PADI1: variants seen among roughly 807,000 people sequenced by gnomAD.
PADI1 encodes the protein protein-arginine deiminase type-1.
In PADI1, 65 loss-of-function variants were observed where a neutral mutation model predicts 74.8. The ratio of observed to expected loss-of-function variants is 0.87; its 90% CI spans 0.71 to 1.07. The LOEUF is 1.07. Among genes scored for constraint, PADI1 ranks in the 50% least tolerant of loss-of-function variants. The pLI, the probability that PADI1 is intolerant of heterozygous loss-of-function variation, is 0.00. For missense variants in PADI1, 943 were observed against 854.0 expected (o/e 1.10, Z -1.30); for synonymous variants, 371 against 336.2 (o/e 1.10, Z -1.13).
chr1:17,239,495 C>G (rs932081492), intron 13 of PADI1: 7 of 535,366 alleles, frequency 1.3e-5, no homozygotes, highest in Non-Finnish European at 2.4e-5. Context: ...GAGTCACTTC[C>G]TGAGGGGTTC....
chr1:17,206,454 C>T (rs528596988), intron 1 of PADI1, among the ~76,000 whole-genome samples: 1 of 152,228 alleles, frequency 6.6e-6, no homozygotes, highest in African/African-American at 2.4e-5. Flanking sequence ...CTGCTGGGAG[C>T]CCCGCTGTGG....
Position 17,237,463 on chromosome 1 carries a change from G to A in PADI1, c.1458+5G>A, listed in dbSNP as rs200384216. The A allele has an allele frequency of 1.4e-4, 230 of 1,604,556 alleles. No homozygotes were observed. In the Admixed American group the frequency reaches 3.2e-3, roughly 22 times the overall value. On this transcript the variant is annotated splice_donor_5th_base_variant and intron_variant, in intron 12 of 15. Coordinates refer to ENST00000375471, the MANE Select transcript of PADI1 (RefSeq NM_013358.3). ...GTGCCTACCTCTGACCAAAAGGTGC[G>A]TCCCCTCCTTCCCTGCCTGAGCCAC... is the stretch of plus-strand genomic sequence containing the variant.
Position 17,230,678 on chromosome 1 carries a change from T to C in PADI1, c.1160T>C (p.Leu387Pro). ...GLKDFPYKRILGPDFGYVTRE... is the reference protein window; with the variant it reads ...GLKDFPYKRIPGPDFGYVTRE... ...AAAGATTTCCCCTATAAGAGGATCC[T>C]GGTACGTAGCGACAGGTAGAGTGCA... Residue 387 changes from leucine to proline, a missense_variant and splice_region_variant, in exon 10 of 16, where the codon CTG (leucine) becomes CCG (proline). Transcript: ENST00000375471. 1 of 1,579,542 alleles carries C rather than the reference T, an allele frequency of 6.3e-7. No individual in the cohort carries two copies. Among genetic ancestry groups the C allele is most frequent in the Non-Finnish European group, 8.7e-7 (1 of 1,150,364 alleles).
chr1:17,241,066 C>T (rs1305484601), intron 15 of PADI1, among the ~76,000 whole-genome samples: 1 of 151,954 alleles, frequency 6.6e-6, no homozygotes, highest in Admixed American at 6.5e-5. Flanking sequence ...TTTTTCTCAC[C>T]CAGATGGAAA....
Position 17,228,925 on chromosome 1 carries a change from C to T in PADI1, c.826-23C>T, listed in dbSNP as rs370706887. ...AGGCTAGGGGTCCCTGCAGGGCCCA[C>T]CAAGTCCTCATTTTCCCCTCAGACC... On this transcript the variant is annotated intron_variant, in intron 7 of 15. Coordinates refer to ENST00000375471, the MANE Select transcript of PADI1 (RefSeq NM_013358.3). 6 of 1,582,176 alleles carry T rather than the reference C, an allele frequency of 3.8e-6. No individual in the cohort carries two copies. The African/African-American group carries it at 6.7e-5, about 18-fold the overall frequency.
intron 10 of PADI1, among the ~76,000 whole-genome samples, 153 bp downstream of exon 10, chr1:17,230,832 C>A (rs968038279): frequency 6.6e-6 from 1 of 152,162 alleles, no homozygotes; most frequent in Non-Finnish European, 1.5e-5. Flanking sequence ...AACTGGGGAG[C>A]CAGTGCGGAG....
chr1:17,230,952 G>A (rs1250843578), intron 10 of PADI1, among the ~76,000 whole-genome samples: 19 of 152,202 alleles, frequency 1.2e-4, no homozygotes, highest in Admixed American at 1.2e-3. Flanking sequence ...TAAGGCGGCT[G>A]GTCACCAAGG....
At chr1:17,224,882 C>T (rs1251286907) in intron 4 of PADI1, among the ~76,000 whole-genome samples, 1 of 151,498 alleles carries the variant, frequency 6.6e-6, no homozygotes, top group Non-Finnish European at 1.5e-5. Context: ...CAAGGCGTCA[C>T]CCCACAGGAA....
In PADI1 at chr1:17,228,955, C is replaced by T; in HGVS notation, c.833C>T (p.Pro278Leu). 8 of 1,598,226 alleles carry T rather than the reference C, an allele frequency of 5.0e-6. No homozygotes were observed. The highest frequency in any genetic ancestry group is 6.8e-6 in the Non-Finnish European group (8 of 1,171,312). ...SVSLVDPGTL[P>L]EVTLFTDTVG... ...TCCTCATTTTCCCCTCAGACCCTGC[C>T]CGAGGTGACCCTCTTCACAGACACT... The change falls in exon 8 of 16, where the codon CCC becomes CTC. Residue 278 changes from proline (P) to leucine (L), a missense_variant. Pro to Leu is a moderately conservative substitution (Grantham distance 98, BLOSUM62 -3). Transcript: ENST00000375471.
intron 1 of PADI1, among the ~76,000 whole-genome samples, chr1:17,216,297 A>G (rs1333706458): frequency 1.3e-5 from 2 of 152,178 alleles, no homozygotes; most frequent in Non-Finnish European, 2.9e-5. Context: ...CTGGCCTATG[A>G]TAAAAATCCA....
At position 17,228,504 on chromosome 1, in the gene PADI1, T is replaced by A; in HGVS notation, c.653-121T>A. ...GAGCTAAGGCCATGCAGCTTGCACG[T>A]GGCAGAGCCAGAGAGGAACCCAAGC... On this transcript the variant is annotated intron_variant, in intron 6 of 15. Coordinates refer to ENST00000375471, the MANE Select transcript of PADI1 (RefSeq NM_013358.3). The A allele has an allele frequency of 4.3e-6, 4 of 937,632 alleles. 1 individual carries two copies. The highest frequency in any genetic ancestry group is 1.6e-5 in the African/African-American group (1 of 61,776). The allele number at this position is 937,632 out of a possible 1,614,324, so 58.1% of individuals were successfully genotyped here. A position where few individuals can be genotyped will look rare whatever the true frequency, so the allele number is the denominator to read the frequency against.
chr1:17,239,599 C>G, intron 13 of PADI1, 105 bp from the exon 14 acceptor site: 2 of 821,124 alleles, frequency 2.4e-6, no homozygotes, highest in Non-Finnish European at 4.1e-6. Context: ...CTGACCCTGG[C>G]ACTGAGGTAG....
chr1:17,216,240 G>A (rs986629035), intron 1 of PADI1, among the ~76,000 whole-genome samples: 3 of 152,206 alleles, frequency 2.0e-5, no homozygotes, highest in African/African-American at 4.8e-5. Context: ...GGTCCCTCTG[G>A]CTGCTATGTT....
intron 6 of PADI1, among the ~76,000 whole-genome samples, chr1:17,228,017 G>T (rs565187659): frequency 2.0e-5 from 3 of 152,292 alleles, no homozygotes; most frequent in East Asian, 1.9e-4. Context: ...TAGAGACAGG[G>T]TCTCACTCTG....
chr1:17,225,324 C>A (rs1049814807), intron 4 of PADI1, among the ~76,000 whole-genome samples: 1 of 152,154 alleles, frequency 6.6e-6, no homozygotes, highest in Non-Finnish European at 1.5e-5. Flanking sequence ...CCATGTTTCC[C>A]GACTTGGCTC....
chr1:17,226,586 G>C (rs1557467166), intron 6 of PADI1, among the ~76,000 whole-genome samples: 1 of 152,170 alleles, frequency 6.6e-6, no homozygotes, highest in Non-Finnish European at 1.5e-5. Context: ...CCCAGAACCT[G>C]TCTTTCTCAT....
At chr1:17,217,018 G>C (rs1285506470) in intron 1 of PADI1, among the ~76,000 whole-genome samples, 1 of 141,352 alleles carries the variant, frequency 7.1e-6, no homozygotes, top group African/African-American at 2.5e-5. Context: ...GAGGAGAGGA[G>C]AGGGGAGGGA....
chr1:17,208,643 A>G (rs970916545), intron 1 of PADI1, among the ~76,000 whole-genome samples: 2 of 128,864 alleles, frequency 1.6e-5, no homozygotes, highest in Non-Finnish European at 3.2e-5. Flanking sequence ...CCCACACTCC[A>G]GTGGGCTAGC....
At chr1:17,228,920 G>A in intron 7 of PADI1, 28 bp from the exon 8 acceptor site, 2 of 1,577,068 alleles carry the variant, frequency 1.3e-6, no homozygotes, top group East Asian at 4.5e-5. Flanking sequence ...TCCCTGCAGG[G>A]CCCACCAAGT....
Sources: allele counts gnomAD v4.1 joint callset (sites outside exome capture counted in the v4.1 genomes callset), GRCh38; gene constraint gnomAD v4.1.1; transcripts MANE v1.5; gene names NCBI Gene and HGNC (gene_info 2026-07-23, HGNC 2026-07-21).